SP3: variants seen among roughly 807,000 people sequenced by gnomAD.
The protein encoded by SP3 is transcription factor Sp3.
Under a neutral mutation model 70.3 loss-of-function variants are expected in SP3, and 10 were observed. The ratio of observed to expected loss-of-function variants is 0.14; its 90% CI spans 0.09 to 0.24. SP3 has a LOEUF of 0.24. Among genes scored for constraint, SP3 ranks in the 10% least tolerant of loss-of-function variants. SP3 has a pLI of 1.00. For missense variants in SP3, 825 were observed against 914.6 expected (o/e 0.90, Z 1.26); for synonymous variants, 402 against 333.5 (o/e 1.21, Z -2.24).
intron 1 of SP3, 54 bp from the exon 2 acceptor site, chr2:173,964,607 G>C: frequency 1.5e-6 from 1 of 648,148 alleles, no homozygotes; most frequent in South Asian, 1.6e-5. Context: ...GTGGCGGAGA[G>C]GGAGGGGGCC....
rs1689200914 is a variant in SP3 at position 173,902,093 on chromosome 2, G to A, written c.*7848C>T. Among the ~76,000 whole-genome samples the A allele has an allele frequency of 6.6e-6, 1 of 152,014 alleles. No individual in the cohort carries two copies. The highest frequency in any genetic ancestry group is 6.6e-5 in the Admixed American group (1 of 15,266). ...CCACACCTGGGCAGGGCTTGACTGAGAGATAGAAGGTGGAACCAGTGAGAA... is the reference window on the plus strand; with the variant it reads ...CCACACCTGGGCAGGGCTTGACTGAAAGATAGAAGGTGGAACCAGTGAGAA... On this transcript the variant is annotated 3_prime_UTR_variant, in exon 7 of 7. Coordinates refer to ENST00000310015, the MANE Select transcript of SP3 (RefSeq NM_003111.5).
At chr2:173,919,614 C>A (rs1346209350) in intron 4 of SP3, among the ~76,000 whole-genome samples, 1 of 152,122 alleles carries the variant, frequency 6.6e-6, no homozygotes, top group African/African-American at 2.4e-5. Flanking sequence ...AGGTATTCAA[C>A]ATTGTTAAAT....
chr2:173,949,040 T>A (rs1235520780), intron 4 of SP3, among the ~76,000 whole-genome samples: 1 of 152,142 alleles, frequency 6.6e-6, no homozygotes, highest in Non-Finnish European at 1.5e-5. Context: ...ACCTTTTATG[T>A]TGTGTAAGAG....
At chr2:173,910,377 T>G in intron 6 of SP3, 120 bp from the exon 7 acceptor site, 1 of 707,202 alleles carries the variant, frequency 1.4e-6, no homozygotes, top group Non-Finnish European at 2.3e-6. Flanking sequence ...AGGGGTCTAT[T>G]AAAATTGTAT....
chr2:173,948,440 T>C (rs879944430), intron 4 of SP3, among the ~76,000 whole-genome samples: 3 of 152,150 alleles, frequency 2.0e-5, no homozygotes, highest in Non-Finnish European at 2.9e-5. Context: ...CATTACCATA[T>C]AGTAAAAACC....
chr2:173,953,804 G>A (rs545530864), intron 4 of SP3, among the ~76,000 whole-genome samples: 1 of 151,084 alleles, frequency 6.6e-6, no homozygotes, highest in Non-Finnish European at 1.5e-5. Context: ...AACAACTACT[G>A]CTCTAAACCA....
intron 4 of SP3, among the ~76,000 whole-genome samples, chr2:173,942,470 G>A (rs965097383): frequency 6.6e-6 from 1 of 152,202 alleles, no homozygotes; most frequent in East Asian, 1.9e-4. Flanking sequence ...GGAGGCTGAG[G>A]CAGGAGAAAC....
chr2:173,963,253 T>C (rs1277088792), intron 3 of SP3: 2 of 152,192 alleles, frequency 1.3e-5, no homozygotes, highest in African/African-American at 4.8e-5. Context: ...AAAAAAGCAG[T>C]CTTCACTCCT....
At chr2:173,950,468 T>C (rs1690679239) in intron 4 of SP3, among the ~76,000 whole-genome samples, 1 of 152,130 alleles carries the variant, frequency 6.6e-6, no homozygotes, top group Admixed American at 6.6e-5. Flanking sequence ...TGCTTGTGCC[T>C]AGCAGTTCAA....
chr2:173,941,981 T>C (rs537525266), intron 4 of SP3, among the ~76,000 whole-genome samples: 17 of 152,336 alleles, frequency 1.1e-4, no homozygotes, highest in African/African-American at 4.1e-4. Flanking sequence ...CCTTCTCATA[T>C]GCCTGGTGGG....
chr2:173,964,724 C>T, intron 1 of SP3, 171 bp from the exon 2 acceptor site: 2 of 391,596 alleles, frequency 5.1e-6, no homozygotes. Flanking sequence ...TCCCCTCCTG[C>T]TGCTGCCCCC....
chr2:173,963,811 C>A lies in SP3; in HGVS notation c.229G>T (p.Asp77Tyr). 2 of 1,463,058 alleles carry A rather than the reference C, an allele frequency of 1.4e-6. No homozygotes were observed. The highest frequency in any genetic ancestry group is 1.8e-6 in the Non-Finnish European group (2 of 1,098,020). The allele number at this position is 1,463,058 out of a possible 1,614,324, so 90.6% of individuals were successfully genotyped here. The change falls in exon 3 of 7, where the codon GAC (aspartate) becomes TAC (tyrosine). Residue 77 changes from aspartate to tyrosine, a missense_variant. Coordinates refer to ENST00000310015, the MANE Select transcript of SP3 (RefSeq NM_003111.5). ...SKIGPPSPGD[D>Y]EEEAAAAAGA... is the part of the protein sequence containing the mutation. ...GCTGCGGCGGCCGCCTCCTCCTCGT[C>A]GTCGCCCGGCGATGGCGGCCCTATC...
rs1206612245 is a variant in SP3 at position 173,942,418 on chromosome 2, T to G, written c.1639+12455A>C. On this transcript the variant is annotated intron_variant, in intron 4 of 6. Transcript: ENST00000310015. ...CCATCTCTATGAAAAATACAAAAAT[T>G]AGCCGAGCGTGGTGGCGCATGCCTG... is the stretch of plus-strand genomic sequence containing the variant. Among the ~76,000 whole-genome samples, 3 of 151,994 alleles carry G rather than the reference T, an allele frequency of 2.0e-5. 1 individual carries two copies. The highest frequency in any genetic ancestry group is 1.3e-4 in the Admixed American group (2 of 15,262).
chr2:173,964,361 G>T (rs1421901045), intron 2 of SP3, 44 bp downstream of exon 2: 2 of 662,054 alleles, frequency 3.0e-6, no homozygotes, highest in Non-Finnish European at 5.4e-6. Flanking sequence ...GGAGGAGAAA[G>T]CGGCGCGAGG....
At chr2:173,961,938 T>TTTTG (rs984104803) in intron 3 of SP3, among the ~76,000 whole-genome samples, 14,034 of 104,958 alleles carry the variant, frequency 0.13, 586 homozygotes, top group Non-Finnish European at 0.18. Flanking sequence ...GGTTTGGGTT[T>TTTTG]TTTTTTTTTT....
intron 4 of SP3, among the ~76,000 whole-genome samples, chr2:173,932,655 G>A (rs1490727863): frequency 6.6e-6 from 1 of 152,108 alleles, no homozygotes; most frequent in Non-Finnish European, 1.5e-5. Context: ...AATTACAACA[G>A]TAACATCAAA....
Position 173,901,321 on chromosome 2 carries a change from A to G in SP3, c.*8620T>C, listed in dbSNP as rs1213366597. 6.6e-6 allele frequency among the ~76,000 whole-genome samples: 1 copy of G among 152,138 alleles called. No individual in the cohort carries two copies. Among genetic ancestry groups the G allele is most frequent in the Non-Finnish European group, 1.5e-5 (1 of 68,032 alleles). ...AAACTTCTGCAAAACAACACACACA[A>G]AACACCATAAACAAAATTAAAAGAT... On this transcript the variant is annotated 3_prime_UTR_variant, in exon 7 of 7. Coordinates refer to ENST00000310015, the MANE Select transcript of SP3 (RefSeq NM_003111.5).
intron 4 of SP3, among the ~76,000 whole-genome samples, chr2:173,943,611 A>G (rs4566417): frequency 0.28 from 42,861 of 152,088 alleles, 6,633 homozygotes; most frequent in African/African-American, 0.41. Flanking sequence ...AATTAAAGGC[A>G]TGAACCACTG....
At chr2:173,952,228 A>G (rs1445885117) in intron 4 of SP3, among the ~76,000 whole-genome samples, 1 of 152,162 alleles carries the variant, frequency 6.6e-6, no homozygotes, top group Non-Finnish European at 1.5e-5. Context: ...TGCAACTCAC[A>G]GAACTGCATA....
Sources: allele counts gnomAD v4.1 joint callset (sites outside exome capture counted in the v4.1 genomes callset), GRCh38; gene constraint gnomAD v4.1.1; transcripts MANE v1.5; gene names NCBI Gene and HGNC (gene_info 2026-07-23, HGNC 2026-07-21).